DSCAML1: variants seen among roughly 807,000 people sequenced by gnomAD.
DSCAML1 encodes DS cell adhesion molecule like 1.
Under a neutral mutation model 200.5 loss-of-function variants are expected in DSCAML1, and 38 were observed. The ratio of observed to expected loss-of-function variants is 0.19; its 90% CI spans 0.15 to 0.25. The LOEUF is 0.25. Ranked by LOEUF, DSCAML1 falls within the 10% of genes least tolerant of loss-of-function variation. The pLI, the probability that DSCAML1 is intolerant of heterozygous loss-of-function variation, is 1.00. For missense variants in DSCAML1, 2,223 were observed against 2,858.8 expected (o/e 0.78, Z 5.07); for synonymous variants, 1,215 against 1,165.0 (o/e 1.04, Z -0.87).
intron 3 of DSCAML1, among the ~76,000 whole-genome samples, chr11:117,720,367 A>C (rs1035874336): frequency 4.6e-5 from 7 of 152,272 alleles, no homozygotes; most frequent in Non-Finnish European, 1.0e-4. Context: ...AGGACAAAGT[A>C]CCGAGATGGA....
intron 3 of DSCAML1, among the ~76,000 whole-genome samples, chr11:117,552,257 G>A (rs960977676): frequency 6.6e-6 from 1 of 152,006 alleles, no homozygotes. Flanking sequence ...AGGTGCCTGG[G>A]AGGAAAGCAG....
At chr11:117,738,475 C>T (rs1384269184) in intron 3 of DSCAML1, among the ~76,000 whole-genome samples, 1 of 152,014 alleles carries the variant, frequency 6.6e-6, no homozygotes, top group Non-Finnish European at 1.5e-5. Context: ...ACCATGCTTC[C>T]TCCTCACCAG....
intron 3 of DSCAML1, among the ~76,000 whole-genome samples, chr11:117,562,246 C>T (rs1325704695): frequency 2.6e-5 from 4 of 152,168 alleles, no homozygotes; most frequent in African/African-American, 9.6e-5. Flanking sequence ...GTTACTGACG[C>T]ACTGTGGGTC....
Position 117,437,353 on chromosome 11 carries a change from G to C in DSCAML1, c.4489C>G (p.Arg1497Gly), listed in dbSNP as rs754844104. ...LFTHINSTHA[R>G]LNLQGWNNGG... ...TTGTTCCAGCCCTGCAGGTTAAGCC[G>C]AGCATGCGTGGAGTTGATGTGGGTG... is the stretch of plus-strand genomic sequence containing the variant. Residue 1497 changes from arginine (R) to glycine (G), a missense_variant, in exon 26 of 33, where the codon CGG (arginine) becomes GGG (glycine). Transcript: ENST00000651296. The surrounding 1 kb of genome is among the most constrained non-coding windows in gnomAD (Gnocchi z 5.3). The C allele has an allele frequency of 4.3e-6, 7 of 1,614,236 alleles. No individual in the cohort carries two copies. In the East Asian group the frequency reaches 1.3e-4, roughly 31 times the overall value.
At chr11:117,588,242 G>A (rs1318532805) in intron 3 of DSCAML1, among the ~76,000 whole-genome samples, 2 of 152,042 alleles carry the variant, frequency 1.3e-5, no homozygotes, top group African/African-American at 4.8e-5. Flanking sequence ...ACCCTAGCTC[G>A]GGGGTCGGGG....
At chr11:117,446,030 A>T (rs2048170998) in intron 20 of DSCAML1, among the ~76,000 whole-genome samples, 1 of 152,258 alleles carries the variant, frequency 6.6e-6, no homozygotes, top group African/African-American at 2.4e-5. Context: ...ATGATTGATA[A>T]ATTCAGCTTC....
At chr11:117,768,576 A>C (rs1386456656) in intron 3 of DSCAML1, among the ~76,000 whole-genome samples, 1 of 152,216 alleles carries the variant, frequency 6.6e-6, no homozygotes, top group Non-Finnish European at 1.5e-5. Context: ...GGACAACTGC[A>C]TGAAGCTAGA....
At chr11:117,558,766 C>T (rs770598564) in intron 3 of DSCAML1, among the ~76,000 whole-genome samples, 8 of 152,274 alleles carry the variant, frequency 5.3e-5, no homozygotes, top group Admixed American at 2.0e-4. Context: ...AAGGGGTCCA[C>T]GTGAAAGGGT....
Position 117,608,241 on chromosome 11 carries a change from G to A in DSCAML1, c.512-75719C>T, listed in dbSNP as rs1478431363. Among the ~76,000 whole-genome samples the A allele has an allele frequency of 3.3e-5, 5 of 152,352 alleles. No homozygotes were observed. In the East Asian group the frequency reaches 9.6e-4, roughly 29 times the overall value. The stretch of plus-strand genomic sequence containing the variant: ...AACAATTGCACAATGGAGAGATGGT[G>A]CCAGTACTTAATGATCTGATATGGT... On this transcript the variant is annotated intron_variant, in intron 3 of 32. Coordinates refer to ENST00000651296, the MANE Select transcript of DSCAML1 (RefSeq NM_020693.4).
intron 3 of DSCAML1, among the ~76,000 whole-genome samples, chr11:117,654,223 G>A (rs1213160689): frequency 6.6e-6 from 1 of 152,108 alleles, no homozygotes; most frequent in African/African-American, 2.4e-5. Context: ...TTGGCCAGAG[G>A]GTGGGAGGTT....
intron 4 of DSCAML1, among the ~76,000 whole-genome samples, chr11:117,528,083 C>T (rs955570411): frequency 1.3e-5 from 2 of 152,200 alleles, no homozygotes; most frequent in Admixed American, 6.5e-5. Context: ...GCGCTTTAGA[C>T]GCTCAATCCA....
chr11:117,470,675 T>C (rs980637318), intron 15 of DSCAML1, among the ~76,000 whole-genome samples: 1 of 152,228 alleles, frequency 6.6e-6, no homozygotes, highest in Non-Finnish European at 1.5e-5. Flanking sequence ...TACACTAGCA[T>C]ACAGGAATGC....
Position 117,770,622 on chromosome 11 carries a change from A to G in DSCAML1, c.511+6169T>C, listed in dbSNP as rs989755131. Among the ~76,000 whole-genome samples, 16 of 152,196 alleles carry G rather than the reference A, an allele frequency of 1.1e-4. 1 individual carries two copies. Among genetic ancestry groups the G allele is most frequent in the Admixed American group, 1.0e-3 (16 of 15,288 alleles). ...GAAGAGAGGTCTGAATAAAATATGA[A>G]TCCTGCCCCTGATGATTATACATTC... On this transcript the variant is annotated intron_variant, in intron 3 of 32. Coordinates refer to ENST00000651296, the MANE Select transcript of DSCAML1 (RefSeq NM_020693.4).
At chr11:117,778,128 C>T (rs1045416474) in intron 2 of DSCAML1, among the ~76,000 whole-genome samples, 3 of 152,220 alleles carry the variant, frequency 2.0e-5, no homozygotes, top group Non-Finnish European at 2.9e-5. Flanking sequence ...TGGCTCTTCC[C>T]GGCCCTCCCT....
Position 117,780,231 on chromosome 11 carries a change from G to GAAAGAAA in DSCAML1, c.364+261_364+262insTTTCTTT, listed in dbSNP as rs1555032678. Among the ~76,000 whole-genome samples the GAAAGAAA allele has an allele frequency of 3.3e-5, 2 of 60,648 alleles. No individual in the cohort carries two copies. The highest frequency in any genetic ancestry group is 6.6e-5 in the African/African-American group (1 of 15,248). The allele number at this position is 60,648 out of a possible 152,430, so 39.8% of individuals were successfully genotyped here. ...AAAGAGAGAGAGAGAAAGAAAGAAA[G>GAAAGAAA]GAAAGAAAGAAAGAAAGAAAGAAAG... On this transcript the variant is annotated intron_variant, in intron 2 of 32. Coordinates refer to ENST00000651296, the MANE Select transcript of DSCAML1 (RefSeq NM_020693.4). The surrounding 1 kb of genome is among the most constrained non-coding windows in gnomAD (Gnocchi z 4.8).
At chr11:117,459,197 C>T (rs759765147) in intron 18 of DSCAML1, among the ~76,000 whole-genome samples, 1 of 152,254 alleles carries the variant, frequency 6.6e-6, no homozygotes, top group African/African-American at 2.4e-5. Flanking sequence ...CTCTTTAAAA[C>T]GCCTCTCTCC....
chr11:117,485,225 A>C (rs2049020942), intron 11 of DSCAML1, among the ~76,000 whole-genome samples: 1 of 152,166 alleles, frequency 6.6e-6, no homozygotes, highest in African/African-American at 2.4e-5. Context: ...CACTTCAGGG[A>C]ACCTGCCTTT....
chr11:117,590,150 G>A (rs779251137), intron 3 of DSCAML1, among the ~76,000 whole-genome samples: 2 of 152,112 alleles, frequency 1.3e-5, no homozygotes, highest in African/African-American at 2.4e-5. Context: ...ATGGGCTTGA[G>A]AGGCTAGATC....
intron 21 of DSCAML1, among the ~76,000 whole-genome samples, chr11:117,440,650 G>A (rs1004495677): frequency 1.3e-5 from 2 of 152,138 alleles, no homozygotes; most frequent in Admixed American, 6.5e-5. Context: ...GGTGGCTCAC[G>A]CCTGTAATCC....
Sources: gnomAD v4.1 joint callset for allele counts (sites outside exome capture counted in the v4.1 genomes callset) on GRCh38, gnomAD v4.1.1 for gene constraint, Gnocchi (gnomAD v3.1) non-coding constraint, MANE v1.5 for transcripts, NCBI Gene and HGNC (gene_info 2026-07-23, HGNC 2026-07-21) for gene names.